The following CPQ variants were observed in gnomAD, a reference collection of about 807,000 sequenced individuals.
The protein encoded by CPQ is Ser-Met dipeptidase.
In CPQ, 37 loss-of-function variants were observed where a neutral mutation model predicts 45.7. The ratio of observed to expected loss-of-function variants is 0.81; its 90% CI spans 0.62 to 1.07. CPQ has a LOEUF of 1.07. Ranked by LOEUF, CPQ falls within the 50% of genes least tolerant of loss-of-function variation. The probability of loss-of-function intolerance (pLI) is 0.00; values close to 1 mark genes in which losing one functional copy is unlikely to be tolerated. For missense variants in CPQ, 537 were observed against 572.9 expected, an observed-to-expected ratio of 0.94 and a Z score of 0.64; for synonymous variants, 186 against 205.8, an observed-to-expected ratio of 0.90 and a Z score of 0.82.
At chr8:96,742,726 A>G (rs952093175) in intron 1 of CPQ, among the ~76,000 whole-genome samples, 3 of 151,614 alleles carry the variant, frequency 2.0e-5, no homozygotes, top group Non-Finnish European at 4.4e-5. Flanking sequence ...ATTTCTCCTT[A>G]ACTTATGAAG....
At chr8:96,930,055 G>A (rs1812949964) in intron 4 of CPQ, among the ~76,000 whole-genome samples, 1 of 152,084 alleles carries the variant, frequency 6.6e-6, no homozygotes, top group Non-Finnish European at 1.5e-5. Flanking sequence ...GGGAGATATA[G>A]GTTCCCTGAG....
chr8:96,814,313 T>G (rs536166309), intron 2 of CPQ, among the ~76,000 whole-genome samples: 1 of 152,250 alleles, frequency 6.6e-6, no homozygotes, highest in Admixed American at 6.5e-5. Context: ...TGAAGGCAAG[T>G]AACTGCCTTT....
chr8:96,753,175 T>C (rs369636368), intron 1 of CPQ, among the ~76,000 whole-genome samples: 115 of 152,260 alleles, frequency 7.6e-4, no homozygotes, highest in African/African-American at 2.6e-3. Context: ...TTTTTCCATA[T>C]TGGTTTATGA....
intron 6 of CPQ, among the ~76,000 whole-genome samples, chr8:97,043,800 T>C (rs1020950994): frequency 2.0e-5 from 3 of 152,206 alleles, no homozygotes; most frequent in African/African-American, 7.2e-5. Flanking sequence ...TTAAGAATGT[T>C]GAATATTGGC....
chr8:96,885,940 C>T (rs1335413520), intron 4 of CPQ, among the ~76,000 whole-genome samples: 1 of 151,874 alleles, frequency 6.6e-6, no homozygotes, highest in Non-Finnish European at 1.5e-5. Context: ...CGCACCACTG[C>T]ACTCCAGCCT....
intron 5 of CPQ, among the ~76,000 whole-genome samples, chr8:96,990,610 A>T (rs940987952): frequency 1.3e-5 from 2 of 152,206 alleles, no homozygotes; most frequent in Non-Finnish European, 2.9e-5. Context: ...ACCAGCAGCC[A>T]TTTCCATGTA....
chr8:96,906,602 T>TG (rs1455218441), intron 4 of CPQ, among the ~76,000 whole-genome samples: 1 of 152,190 alleles, frequency 6.6e-6, no homozygotes, highest in Non-Finnish European at 1.5e-5. Context: ...CTCACAGTTT[T>TG]GGTGGCTGGG....
chr8:96,675,766 C>T (rs769744560), intron 1 of CPQ, among the ~76,000 whole-genome samples: 4 of 151,938 alleles, frequency 2.6e-5, no homozygotes, highest in African/African-American at 4.8e-5. Flanking sequence ...GTGTTTTTAT[C>T]ATGAGTAATG....
At chr8:96,701,877 A>G (rs1680253782) in intron 1 of CPQ, among the ~76,000 whole-genome samples, 1 of 152,154 alleles carries the variant, frequency 6.6e-6, no homozygotes, top group South Asian at 2.1e-4. Context: ...TAGCTGTTGT[A>G]TCTCACTCAT....
At chr8:96,771,384 G>T (rs1810542183) in intron 1 of CPQ, among the ~76,000 whole-genome samples, 1 of 151,822 alleles carries the variant, frequency 6.6e-6, no homozygotes, top group African/African-American at 2.4e-5. Context: ...TTCTAGGTGG[G>T]ACTTTCTAAG....
chr8:97,031,089 A>T (rs963593951), intron 6 of CPQ, among the ~76,000 whole-genome samples: 9 of 152,272 alleles, frequency 5.9e-5, no homozygotes, highest in African/African-American at 2.2e-4. Context: ...TGCGGACTTT[A>T]TCCTCGAGGC....
chr8:96,678,739 T>C (rs1157824686), intron 1 of CPQ, among the ~76,000 whole-genome samples: 1 of 146,996 alleles, frequency 6.8e-6, no homozygotes, highest in Non-Finnish European at 1.5e-5. Flanking sequence ...TTGCCCACTT[T>C]TTAATGGGAT....
intron 1 of CPQ, among the ~76,000 whole-genome samples, chr8:96,679,875 A>G (rs1809127418): frequency 6.6e-6 from 1 of 151,314 alleles, no homozygotes; most frequent in Admixed American, 6.6e-5. Context: ...CCAACTTTTC[A>G]TTTCATCGAT....
At chr8:96,819,303 A>G (rs1202278106) in intron 2 of CPQ, among the ~76,000 whole-genome samples, 1 of 152,150 alleles carries the variant, frequency 6.6e-6, no homozygotes, top group East Asian at 1.9e-4. Context: ...TCAAGTTCAA[A>G]ACACTTTTGT....
At chr8:97,035,973 C>A (rs1586506313) in intron 6 of CPQ, among the ~76,000 whole-genome samples, 1 of 152,182 alleles carries the variant, frequency 6.6e-6, no homozygotes, top group Non-Finnish European at 1.5e-5. Context: ...TCCCAAAGTG[C>A]TGGGATTACA....
At chr8:96,861,657 T>C (rs1202455099) in intron 3 of CPQ, among the ~76,000 whole-genome samples, 1 of 152,056 alleles carries the variant, frequency 6.6e-6, no homozygotes, top group East Asian at 1.9e-4. Context: ...TAAACAAACA[T>C]GGTATGTTTA....
At chr8:96,847,836 CTT>C (rs76194040) in intron 3 of CPQ, among the ~76,000 whole-genome samples, 116 of 84,406 alleles carry the variant, frequency 1.4e-3, no homozygotes, top group Admixed American at 1.5e-3. Flanking sequence ...ATTTGTTTTC[CTT>C]TTTTTTTTTT....
intron 1 of CPQ, among the ~76,000 whole-genome samples, chr8:96,783,107 C>T (rs1810711969): frequency 6.6e-6 from 1 of 152,150 alleles, no homozygotes; most frequent in African/African-American, 2.4e-5. Context: ...TCCCTTAATA[C>T]TGCATTCATT....
chr8:96,679,156 T>C (rs1809115266), intron 1 of CPQ, among the ~76,000 whole-genome samples: 1 of 152,122 alleles, frequency 6.6e-6, no homozygotes. Flanking sequence ...ACTGAATGCT[T>C]TTTCTATGTC....
Sources: allele counts gnomAD v4.1 joint callset (sites outside exome capture counted in the v4.1 genomes callset), GRCh38; gene constraint gnomAD v4.1.1; transcripts MANE v1.5; gene names NCBI Gene and HGNC (gene_info 2026-07-23, HGNC 2026-07-21).